The following CADM2 variants were observed in gnomAD, a reference collection of about 807,000 sequenced individuals.
The protein encoded by CADM2 is immunoglobulin superfamily member 4D.
CADM2 carries 12 observed loss-of-function variants against 49.8 expected under a neutral mutation model. That is an observed-to-expected ratio of 0.24 (90% CI 0.15 to 0.39). CADM2 has a LOEUF of 0.39. Ranked by LOEUF, CADM2 falls within the 10% of genes least tolerant of loss-of-function variation. The pLI is 1.00. For missense variants in CADM2, 378 were observed against 492.3 expected (o/e 0.77, Z 2.20); for synonymous variants, 214 against 175.4 (o/e 1.22, Z -1.74).
chr3:85,553,637 G>A (rs1402963560), intron 1 of CADM2, among the ~76,000 whole-genome samples: 1 of 152,290 alleles, frequency 6.6e-6, no homozygotes, highest in Admixed American at 6.5e-5. Context: ...TCCAGGAAGA[G>A]TATTTTTGAA....
At chr3:85,223,822 A>G (rs1167946126) in intron 1 of CADM2, among the ~76,000 whole-genome samples, 9 of 152,016 alleles carry the variant, frequency 5.9e-5, no homozygotes, top group Non-Finnish European at 1.3e-4. Flanking sequence ...CTTACTGTTC[A>G]GCTCCCAATT....
At chr3:85,808,741 T>A (rs1437825151) in intron 3 of CADM2, among the ~76,000 whole-genome samples, 1 of 152,154 alleles carries the variant, frequency 6.6e-6, no homozygotes, top group Non-Finnish European at 1.5e-5. Context: ...TCCTTAAAAA[T>A]TTCCTAAAGA....
intron 1 of CADM2, among the ~76,000 whole-genome samples, chr3:85,634,085 T>C (rs2064389170): frequency 6.6e-6 from 1 of 152,030 alleles, no homozygotes; most frequent in Non-Finnish European, 1.5e-5. Context: ...TGCTTGCGAC[T>C]GCTCATAGGG....
chr3:85,989,890 G>C (rs1428630325), intron 8 of CADM2, among the ~76,000 whole-genome samples: 4 of 151,212 alleles, frequency 2.6e-5, no homozygotes, highest in Non-Finnish European at 4.4e-5. Flanking sequence ...GTGGGCGCCT[G>C]CAATCCCAGC....
intron 1 of CADM2, among the ~76,000 whole-genome samples, chr3:85,291,492 T>A (rs2043794759): frequency 6.8e-6 from 1 of 147,796 alleles, no homozygotes; most frequent in Non-Finnish European, 1.5e-5. Flanking sequence ...ATTGTCAGAT[T>A]CACCGAAGTT....
chr3:85,325,280 A>G (rs145345869), intron 1 of CADM2, among the ~76,000 whole-genome samples: 9 of 152,348 alleles, frequency 5.9e-5, no homozygotes, highest in African/African-American at 1.9e-4. Flanking sequence ...ATAGTGTCAA[A>G]CATTACTCCT....
At chr3:85,119,701 G>T (rs2038784291) in intron 1 of CADM2, among the ~76,000 whole-genome samples, 1 of 152,078 alleles carries the variant, frequency 6.6e-6, no homozygotes. Context: ...AGTTCTCCTT[G>T]AAGAGGTCCA....
At chr3:85,196,214 G>A (rs2107735277) in intron 1 of CADM2, among the ~76,000 whole-genome samples, 1 of 152,048 alleles carries the variant, frequency 6.6e-6, no homozygotes, top group Non-Finnish European at 1.5e-5. Flanking sequence ...TTTTAAACAT[G>A]TTATTATTAA....
chr3:85,559,874 AAAG>A (rs1465863101), intron 1 of CADM2, among the ~76,000 whole-genome samples: 1 of 152,116 alleles, frequency 6.6e-6, no homozygotes, highest in African/African-American at 2.4e-5. Context: ...AAATTTAAGG[AAAG>A]AAGCCATTAT....
intron 1 of CADM2, among the ~76,000 whole-genome samples, chr3:85,150,059 C>T (rs1240534299): frequency 6.6e-6 from 1 of 152,184 alleles, no homozygotes; most frequent in East Asian, 1.9e-4. Flanking sequence ...TTTCTCACTT[C>T]AGTTGAAAAT....
intron 1 of CADM2, among the ~76,000 whole-genome samples, chr3:85,667,885 A>T (rs2065619246): frequency 6.6e-6 from 1 of 152,096 alleles, no homozygotes; most frequent in South Asian, 2.1e-4. Flanking sequence ...GAGTTAAATG[A>T]CATCAGGAAG....
At chr3:85,619,086 T>G (rs1287203119) in intron 1 of CADM2, among the ~76,000 whole-genome samples, 1 of 151,752 alleles carries the variant, frequency 6.6e-6, no homozygotes, top group Non-Finnish European at 1.5e-5. Flanking sequence ...TATGCAATTA[T>G]GAAACTTATA....
chr3:85,086,037 C>A (rs2037358639), intron 1 of CADM2, among the ~76,000 whole-genome samples: 2 of 152,044 alleles, frequency 1.3e-5, no homozygotes, highest in Non-Finnish European at 1.5e-5. Flanking sequence ...AGGACAAAAA[C>A]TTTTTTTATT....
chr3:85,007,051 A>G (rs1453841726), intron 1 of CADM2, among the ~76,000 whole-genome samples: 1 of 152,124 alleles, frequency 6.6e-6, no homozygotes, highest in African/African-American at 2.4e-5. Flanking sequence ...AGAGCAACCT[A>G]TATATTAAAG....
intron 8 of CADM2, among the ~76,000 whole-genome samples, chr3:86,010,269 A>G (rs1165676930): frequency 2.0e-5 from 3 of 152,010 alleles, no homozygotes; most frequent in Admixed American, 6.6e-5. Context: ...ATAGATGTAC[A>G]TACAATTCTG....
At position 85,630,413 on chromosome 3, in the gene CADM2, G is replaced by A. The variant is rs114200708; in HGVS notation, c.62-96109G>A. On this transcript the variant is annotated intron_variant, in intron 1 of 9. Coordinates refer to ENST00000383699, the MANE Select transcript of CADM2 (RefSeq NM_001167675.2). ...CTCAGTTCAAAGATCTCTTTCTGTG[G>A]GAAACATTACCTGGCAATACTGCCA... is the stretch of plus-strand genomic sequence containing the variant. Among the ~76,000 whole-genome samples the A allele has an allele frequency of 7.9e-3, 1,201 of 151,924 alleles. 16 individuals are homozygous for A. The highest frequency in any genetic ancestry group is 0.028 in the African/African-American group (1,163 of 41,458).
intron 3 of CADM2, among the ~76,000 whole-genome samples, chr3:85,807,499 C>CAA (rs60644652): frequency 0.017 from 1,432 of 81,984 alleles, 58 homozygotes; most frequent in African/African-American, 0.044. Context: ...AACTCCGTCT[C>CAA]AAAAAAAAAA....
rs560203733 is a variant in CADM2 at position 85,697,170 on chromosome 3, T to A, written c.62-29352T>A. Among the ~76,000 whole-genome samples the A allele has an allele frequency of 2.0e-5, 3 of 151,522 alleles. No homozygotes were observed. The South Asian group carries it at 6.2e-4, about 31-fold the overall frequency. On this transcript the variant is annotated intron_variant, in intron 1 of 9. Coordinates refer to ENST00000383699, the MANE Select transcript of CADM2 (RefSeq NM_001167675.2). ...CTCTGCACATAGAACAGGTAGATTA[T>A]ATCTATCACAGATGAAAACAATGTA...
intron 8 of CADM2, among the ~76,000 whole-genome samples, chr3:86,040,842 T>C (rs963555474): frequency 1.3e-5 from 2 of 152,148 alleles, no homozygotes; most frequent in Non-Finnish European, 2.9e-5. Flanking sequence ...AAAGGTCGGG[T>C]TACCCACAAA....
Sources: allele counts gnomAD v4.1 joint callset (sites outside exome capture counted in the v4.1 genomes callset), GRCh38; gene constraint gnomAD v4.1.1; transcripts MANE v1.5; gene names NCBI Gene and HGNC (gene_info 2026-07-23, HGNC 2026-07-21).